Variants in CRMP1 observed in about 807,000 individuals in gnomAD.
CRMP1 encodes the protein collapsin response mediator protein 1.
Under a neutral mutation model 68.3 loss-of-function variants are expected in CRMP1, and 19 were observed. The ratio of observed to expected loss-of-function variants is 0.28; its 90% CI spans 0.19 to 0.41. CRMP1 has a LOEUF of 0.41. Ranked by LOEUF, CRMP1 falls within the 10% of genes least tolerant of loss-of-function variation. The pLI is 1.00. For synonymous variants in CRMP1, 439 were observed against 399.6 expected (o/e 1.10, Z -1.18); for missense variants, 791 against 967.4 (o/e 0.82, Z 2.42).
intron 11 of CRMP1, among the ~76,000 whole-genome samples, chr4:5,832,777 A>T (rs897673949): frequency 2.0e-5 from 3 of 152,232 alleles, no homozygotes; most frequent in African/African-American, 7.2e-5. Flanking sequence ...CCAGATGGGT[A>T]ACCTTGGGTA....
At chr4:5,849,530 G>T in intron 5 of CRMP1, 58 bp from the exon 6 acceptor site, 1 of 1,182,096 alleles carries the variant, frequency 8.5e-7, no homozygotes, top group Non-Finnish European at 1.2e-6. Flanking sequence ...AAATCACAGC[G>T]TGTGCATTCA....
intron 1 of CRMP1, among the ~76,000 whole-genome samples, chr4:5,885,179 C>T (rs1209582816): frequency 6.6e-6 from 1 of 152,134 alleles, no homozygotes; most frequent in Non-Finnish European, 1.5e-5. Flanking sequence ...AACGATCAGC[C>T]TCCTTGCCTT....
intron 1 of CRMP1, chr4:5,887,406 G>C: frequency 1.0e-6 from 1 of 985,610 alleles, no homozygotes; most frequent in Non-Finnish European, 1.2e-6. Context: ...CCAGTGGTCC[G>C]CATCCCTCAG....
rs993667325 is a variant in CRMP1, at chr4:5,842,462, A to T, written c.1032+631T>A. ...AAAAAAAAAAAGAAAAGAAAGAAAG[A>T]AAGTAAAAAGAAGGTGTCCTCAACT... On this transcript the variant is annotated intron_variant, in intron 7 of 13. Coordinates refer to ENST00000324989, the MANE Select transcript of CRMP1 (RefSeq NM_001014809.3). The surrounding 1 kb of genome is among the most constrained non-coding windows in gnomAD (Gnocchi z 4.5). 2.6e-5 allele frequency among the ~76,000 whole-genome samples: 4 copies of T among 151,312 alleles called. No individual in the cohort carries two copies. Among genetic ancestry groups the T allele is most frequent in the Non-Finnish European group, 4.4e-5 (3 of 67,842 alleles).
chr4:5,828,619 A>C lies in CRMP1; in HGVS notation c.1673T>G (p.Leu558Arg). The C allele has an allele frequency of 6.2e-7, 1 of 1,614,182 alleles. No individual in the cohort carries two copies. The highest frequency in any genetic ancestry group is 1.7e-5 in the Admixed American group (1 of 60,022). The change falls in exon 12 of 14, where the codon CTA becomes CGA. Residue 558 changes from leucine to arginine, a missense_variant. Coordinates refer to ENST00000324989, the MANE Select transcript of CRMP1 (RefSeq NM_001014809.3). ...FEGMECHGSPLVVISQGKIVF... is the reference protein window; with the variant it reads ...FEGMECHGSPRVVISQGKIVF... ...GATCTTGCCCTGGCTGATGACCACT[A>C]GTGGGGAGCCGTGGCACTCCATACC...
At chr4:5,880,657 T>A (rs1015441177) in intron 1 of CRMP1, among the ~76,000 whole-genome samples, 1 of 152,202 alleles carries the variant, frequency 6.6e-6, no homozygotes, top group South Asian at 2.1e-4. Flanking sequence ...CTAAACCAGA[T>A]CTGCCCTCTC....
At position 5,843,608 on chromosome 4, in the gene CRMP1, A is replaced by G. The variant is rs1247131519; in HGVS notation, c.964-447T>C. Among the ~76,000 whole-genome samples the G allele has an allele frequency of 6.6e-6, 1 of 152,166 alleles. No individual in the cohort carries two copies. The highest frequency in any genetic ancestry group is 6.5e-5 in the Admixed American group (1 of 15,274). Reference sequence around the variant, plus strand: ...CCGAAACTGGGAGTCCAGATCCAGAACAGCCGTCTCTGTGACTTTGGGCAG... The same window carrying G: ...CCGAAACTGGGAGTCCAGATCCAGAGCAGCCGTCTCTGTGACTTTGGGCAG... On this transcript the variant is annotated intron_variant, in intron 6 of 13. Coordinates refer to ENST00000324989, the MANE Select transcript of CRMP1 (RefSeq NM_001014809.3). The surrounding 1 kb of genome is among the most constrained non-coding windows in gnomAD (Gnocchi z 4.1).
rs1712816271 is a variant in CRMP1, at chr4:5,853,514, T to C, written c.821-2045A>G. 6.6e-6 allele frequency among the ~76,000 whole-genome samples: 1 copy of C among 152,172 alleles called. No individual in the cohort carries two copies. Among genetic ancestry groups the C allele is most frequent in the African/African-American group, 2.4e-5 (1 of 41,430 alleles). On this transcript the variant is annotated intron_variant, in intron 4 of 13. Coordinates refer to ENST00000324989, the MANE Select transcript of CRMP1 (RefSeq NM_001014809.3). This position sits in a 1 kb window ranked among gnomAD's most constrained non-coding sequence, Gnocchi z 4.7. ...GGGAATGTAAATTAGCACAGCCACC[T>C]CTATGGGGAACAGTACGGAGGCTCC... is the stretch of plus-strand genomic sequence containing the variant.
rs577983959 is a variant in CRMP1, at chr4:5,891,284, G to A, written c.381+1305C>T. On this transcript the variant is annotated intron_variant, in intron 1 of 13. Coordinates refer to ENST00000324989, the MANE Select transcript of CRMP1 (RefSeq NM_001014809.3). This position sits in a 1 kb window ranked among gnomAD's most constrained non-coding sequence, Gnocchi z 5.2. Reference sequence around the variant, plus strand: ...ACGGAGAGCTCTGGAGCAACAGCCCGCCCGCGAAGGGATGGGGCCCGAAGA... The same window carrying A: ...ACGGAGAGCTCTGGAGCAACAGCCCACCCGCGAAGGGATGGGGCCCGAAGA... 3.4e-4 allele frequency among the ~76,000 whole-genome samples: 52 copies of A among 151,536 alleles called. No individual in the cohort carries two copies. The highest frequency in any genetic ancestry group is 1.2e-3 in the African/African-American group (48 of 41,224).
chr4:5,847,992 C>T (rs1712345476), intron 6 of CRMP1, among the ~76,000 whole-genome samples: 2 of 152,174 alleles, frequency 1.3e-5, no homozygotes, highest in Admixed American at 6.6e-5. Flanking sequence ...CAGGAGCCTG[C>T]CTGACTTCTT....
chr4:5,867,887 T>C (rs1257038027), intron 1 of CRMP1, among the ~76,000 whole-genome samples: 1 of 151,970 alleles, frequency 6.6e-6, no homozygotes, highest in Non-Finnish European at 1.5e-5. Flanking sequence ...GATGTGTCAT[T>C]AGAGGAAGGT....
rs1370486544 is a variant in CRMP1, at chr4:5,872,692, A to T, written c.382-5936T>A. The stretch of plus-strand genomic sequence containing the variant: ...ACAGAGCGAGACTCCATCTCAAAAA[A>T]CAATTATTATGTATAAACCTTGAAG... On this transcript the variant is annotated intron_variant, in intron 1 of 13. Transcript: ENST00000324989. The surrounding 1 kb of genome is among the most constrained non-coding windows in gnomAD (Gnocchi z 4.6). 6.6e-6 allele frequency among the ~76,000 whole-genome samples: 1 copy of T among 152,244 alleles called. No homozygotes were observed. Among genetic ancestry groups the T allele is most frequent in the Non-Finnish European group, 1.5e-5 (1 of 68,040 alleles).
At position 5,870,398 on chromosome 4, in the gene CRMP1, G is replaced by A. The variant is rs1275922411; in HGVS notation, c.382-3642C>T. ...TTTGGTGTGTTACCCCACTGGCAGT[G>A]CAGGACACAACTCCCCAGGGGACGC... On this transcript the variant is annotated intron_variant, in intron 1 of 13. Coordinates refer to ENST00000324989, the MANE Select transcript of CRMP1 (RefSeq NM_001014809.3). The surrounding 1 kb of genome is among the most constrained non-coding windows in gnomAD (Gnocchi z 6.0). Among the ~76,000 whole-genome samples the A allele has an allele frequency of 6.6e-6, 1 of 152,258 alleles. No individual in the cohort carries two copies. The highest frequency in any genetic ancestry group is 1.5e-5 in the Non-Finnish European group (1 of 68,048).
In CRMP1 at chr4:5,888,423, C is replaced by G; in HGVS notation, c.381+4166G>C. On this transcript the variant is annotated intron_variant, in intron 1 of 13. Transcript: ENST00000324989. The surrounding 1 kb of genome is among the most constrained non-coding windows in gnomAD (Gnocchi z 6.4). ...GGCGCCCGTGGATGCCCACGCGCGG[C>G]TGCCCCGGCTGCTCGGCCCGCCCGC... is the stretch of plus-strand genomic sequence containing the variant. 4.9e-6 allele frequency: 6 copies of G among 1,216,926 alleles called. No individual in the cohort carries two copies. Among genetic ancestry groups the G allele is most frequent in the Non-Finnish European group, 6.1e-6 (6 of 978,452 alleles). The allele number at this position is 1,216,926 out of a possible 1,614,324, so 75.4% of individuals were successfully genotyped here. A position where few individuals can be genotyped will look rare whatever the true frequency, so the allele number is the denominator to read the frequency against.
At chr4:5,857,602 C>T (rs529863282) in intron 3 of CRMP1, among the ~76,000 whole-genome samples, 4 of 152,326 alleles carry the variant, frequency 2.6e-5, no homozygotes, top group African/African-American at 9.6e-5. Context: ...ATTCAATCCT[C>T]ACAACTGTCC....
intron 5 of CRMP1, 28 bp downstream of exon 5, chr4:5,851,377 AGAG>A (rs1348567635): frequency 1.2e-5 from 20 of 1,604,604 alleles, no homozygotes; most frequent in African/African-American, 4.0e-5. Context: ...TGCCCAGACA[AGAG>A]AGGAGAGAGT....
chr4:5,842,452 A>AG lies in CRMP1; in HGVS notation c.1032+640dup, dbSNP rs1711819528. ...TCAAAAAAAAAAAAAAAAAAAGAAA[A>AG]GAAAGAAAGAAAGTAAAAAGAAGGT... On this transcript the variant is annotated intron_variant, in intron 7 of 13. Coordinates refer to ENST00000324989, the MANE Select transcript of CRMP1 (RefSeq NM_001014809.3). This position sits in a 1 kb window ranked among gnomAD's most constrained non-coding sequence, Gnocchi z 4.5. 6.6e-6 allele frequency among the ~76,000 whole-genome samples: 1 copy of AG among 150,772 alleles called. No homozygotes were observed. Among genetic ancestry groups the AG allele is most frequent in the African/African-American group, 2.4e-5 (1 of 40,970 alleles).
chr4:5,841,448 T>C lies in CRMP1; in HGVS notation c.1033-20A>G. The C allele has an allele frequency of 1.2e-6, 2 of 1,612,822 alleles. No homozygotes were observed. The highest frequency in any genetic ancestry group is 1.7e-6 in the Non-Finnish European group (2 of 1,179,042). ...CTCCAGCTGAACACGGCACACACAG[T>C]GTCACAGGAGGGAAGGCTGGTGTAA... On this transcript the variant is annotated intron_variant, in intron 7 of 13. Transcript: ENST00000324989. This position sits in a 1 kb window ranked among gnomAD's most constrained non-coding sequence, Gnocchi z 6.9.
intron 1 of CRMP1, among the ~76,000 whole-genome samples, chr4:5,875,878 C>T (rs923662956): frequency 1.3e-5 from 2 of 152,112 alleles, no homozygotes; most frequent in African/African-American, 4.8e-5. Flanking sequence ...TTCAGCCAGG[C>T]GCGGTGGCTC....
Sources: allele counts gnomAD v4.1 joint callset (sites outside exome capture counted in the v4.1 genomes callset), GRCh38; gene constraint gnomAD v4.1.1; non-coding constraint Gnocchi (gnomAD v3.1); transcripts MANE v1.5; gene names NCBI Gene and HGNC (gene_info 2026-07-23, HGNC 2026-07-21).